STK10: variants seen among roughly 807,000 people sequenced by gnomAD.
STK10 encodes the protein serine/threonine kinase 10, also known as serine/threonine-protein kinase 10.
STK10 carries 78 observed loss-of-function variants against 113.8 expected under a neutral mutation model. The ratio of observed to expected loss-of-function variants is 0.69; its 90% CI spans 0.57 to 0.83. The LOEUF (loss-of-function observed/expected upper bound fraction) is 0.83, where lower values mean the gene tolerates loss of function less well. STK10 is among the 40% of genes least tolerant of loss of function. The pLI is 0.00. For missense variants in STK10, 1,109 were observed against 1,280.1 expected (o/e 0.87, Z 2.04); for synonymous variants, 465 against 494.7 (o/e 0.94, Z 0.80).
intron 2 of STK10, among the ~76,000 whole-genome samples, chr5:172,134,102 T>C (rs183822755): frequency 1.7e-4 from 26 of 152,342 alleles, no homozygotes; most frequent in African/African-American, 6.3e-4. Flanking sequence ...TGGGAATTTA[T>C]AAGAGCAAGA....
At chr5:172,057,543 A>C in intron 14 of STK10, 70 bp from the exon 15 acceptor site, 1 of 1,509,334 alleles carries the variant, frequency 6.6e-7, no homozygotes, top group Non-Finnish European at 8.9e-7. Flanking sequence ...CCTGCCCCCC[A>C]CCTCTGCCTG....
intron 3 of STK10, among the ~76,000 whole-genome samples, chr5:172,121,809 TCCTA>T (rs1002377138): frequency 1.3e-5 from 2 of 152,054 alleles, no homozygotes; most frequent in Non-Finnish European, 2.9e-5. Flanking sequence ...GCAAGCAATC[TCCTA>T]CCTTGGTTTC....
intron 2 of STK10, among the ~76,000 whole-genome samples, chr5:172,151,449 T>C (rs1481039036): frequency 6.6e-6 from 1 of 152,030 alleles, no homozygotes; most frequent in Non-Finnish European, 1.5e-5. Flanking sequence ...CGGGTTCAAG[T>C]AATTCTCCTG....
intron 2 of STK10, among the ~76,000 whole-genome samples, chr5:172,138,650 TAAG>T (rs1769916852): frequency 1.3e-5 from 2 of 152,012 alleles, no homozygotes; most frequent in Admixed American, 6.6e-5. Context: ...CCTAAAAACT[TAAG>T]AAGAAATAAA....
Position 172,061,230 on chromosome 5 carries a change from C to A in STK10, c.2121G>T (p.Glu707Asp). ...CGGTGGTGAGCCTCTTCATGGCCAG[C>A]TCCAGGTCCTCCTTCTGCTTGGCTA... ...DFVAKQKEDL[E>D]LAMKRLTTDN... Residue 707 changes from glutamate (E) to aspartate (D), a missense_variant, in exon 14 of 19, where the codon GAG (glutamate) becomes GAT (aspartate). Physicochemically the swap from Glu to Asp is conservative, Grantham distance 45 (BLOSUM62 2). Around this residue, in one of 5 missense-constraint regions of STK10, gnomAD observed 885 missense variants for 991.1 expected, o/e 0.89. Transcript: ENST00000176763. 4 of 1,613,508 alleles carry A rather than the reference C, an allele frequency of 2.5e-6. No homozygotes were observed. The highest frequency in any genetic ancestry group is 3.4e-6 in the Non-Finnish European group (4 of 1,179,980).
intron 4 of STK10, among the ~76,000 whole-genome samples, chr5:172,115,356 T>C (rs1348657548): frequency 6.6e-6 from 1 of 152,116 alleles, no homozygotes; most frequent in Non-Finnish European, 1.5e-5. Context: ...TGCCGGGAAA[T>C]GTGAAACTAG....
chr5:172,056,946 A>AAGGAAGGAAGGAAGGAAGGAAGGAAG (rs1561789921), intron 15 of STK10: 6 of 89,094 alleles, frequency 6.7e-5, no homozygotes, highest in African/African-American at 3.4e-4. Flanking sequence ...AAAGAAAGAA[A>AAGGAAGGAAGGAAGGAAGGAAGGAAG]GAAAGAAGGA....
intron 1 of STK10, among the ~76,000 whole-genome samples, chr5:172,182,916 TAAG>T (rs1479104313): frequency 6.6e-6 from 1 of 152,094 alleles, no homozygotes; most frequent in East Asian, 1.9e-4. Flanking sequence ...AAGCAATTTT[TAAG>T]AAGGATACCA....
At position 172,054,551 on chromosome 5, in the gene STK10, G is replaced by A; in HGVS notation, c.2652+18C>T. Reference sequence around the variant, plus strand: ...TGAGGCAGCCTGGGGGCAGGGGCAGGGGCAGGCAGGGCGGTACCTGCAGCT... The same window carrying A: ...TGAGGCAGCCTGGGGGCAGGGGCAGAGGCAGGCAGGGCGGTACCTGCAGCT... On this transcript the variant is annotated intron_variant, in intron 17 of 18. Transcript: ENST00000176763. 1.2e-6 allele frequency: 2 copies of A among 1,601,264 alleles called. No homozygotes were observed. The highest frequency in any genetic ancestry group is 1.7e-6 in the Non-Finnish European group (2 of 1,178,726).
chr5:172,137,551 A>T (rs761451417), intron 2 of STK10, among the ~76,000 whole-genome samples: 86 of 152,058 alleles, frequency 5.7e-4, no homozygotes, highest in Non-Finnish European at 2.9e-4. Flanking sequence ...AATAGAAGAA[A>T]ACAACCTCAA....
intron 3 of STK10, among the ~76,000 whole-genome samples, chr5:172,119,853 G>A (rs1037307926): frequency 6.1e-5 from 9 of 146,706 alleles, no homozygotes; most frequent in Admixed American, 1.3e-4. Flanking sequence ...GACAGAGCGA[G>A]ACTCCATCTC....
At chr5:172,104,201 G>A (rs554675603) in intron 7 of STK10, among the ~76,000 whole-genome samples, 3 of 152,336 alleles carry the variant, frequency 2.0e-5, no homozygotes, top group Admixed American at 2.0e-4. Context: ...GACCGGAGCC[G>A]ACACGGCAGT....
At chr5:172,047,778 A>G (rs930452993) in intron 18 of STK10, among the ~76,000 whole-genome samples, 2 of 151,990 alleles carry the variant, frequency 1.3e-5, no homozygotes, top group African/African-American at 2.4e-5. Context: ...CTCTCCTCAG[A>G]GAGTTTAGGG....
chr5:172,118,504 A>C (rs778997929), intron 3 of STK10, among the ~76,000 whole-genome samples: 5 of 152,078 alleles, frequency 3.3e-5, no homozygotes, highest in Non-Finnish European at 7.4e-5. Flanking sequence ...CTATGTCTTA[A>C]AGGAAGAGAA....
intron 1 of STK10, among the ~76,000 whole-genome samples, chr5:172,177,971 G>A (rs1211655707): frequency 6.6e-6 from 1 of 152,198 alleles, no homozygotes; most frequent in Non-Finnish European, 1.5e-5. Flanking sequence ...TGGGACTACA[G>A]GCATGAGCCA....
chr5:172,083,153 T>G, intron 10 of STK10, 69 bp from the exon 11 acceptor site: 1 of 1,602,336 alleles, frequency 6.2e-7, no homozygotes, highest in Non-Finnish European at 8.5e-7. Flanking sequence ...TATTTGCAAC[T>G]TGGAACACTG....
rs773061604 is a variant in STK10, at chr5:172,093,825, G to A, written c.1141C>T (p.Gln381Ter). ...SQDSVNEPCS[Q>*]PSGDRSLQTT... ...TGGAGGGATCTGTCCCCAGAGGGCT[G>A]GCTGCAGGGCTCATTCACACTGTCC... Residue 381 changes from glutamine to a stop codon, truncating the protein, a stop_gained, in exon 9 of 19, where the codon CAG (glutamine) becomes TAG (stop). Transcript: ENST00000176763. LOFTEE classifies it high-confidence loss of function. This position sits in a 1 kb window ranked among gnomAD's most constrained non-coding sequence, Gnocchi z 4.1. 1 of 1,603,878 alleles carries A rather than the reference G, an allele frequency of 6.2e-7. No individual in the cohort carries two copies. The highest frequency in any genetic ancestry group is 1.3e-5 in the African/African-American group (1 of 74,898).
At chr5:172,126,823 C>T (rs530161114) in intron 3 of STK10, among the ~76,000 whole-genome samples, 8 of 152,258 alleles carry the variant, frequency 5.3e-5, no homozygotes, top group African/African-American at 9.6e-5. Context: ...TCGGGTATCT[C>T]GGTTTTACCT....
intron 2 of STK10, among the ~76,000 whole-genome samples, chr5:172,151,822 T>C (rs924234466): frequency 2.6e-5 from 4 of 152,240 alleles, no homozygotes; most frequent in African/African-American, 7.2e-5. Flanking sequence ...CTCAGCAGCA[T>C]GTGCTGCAGA....
Sources: allele counts gnomAD v4.1 joint callset (sites outside exome capture counted in the v4.1 genomes callset), GRCh38; gene constraint gnomAD v4.1.1; regional missense constraint gnomAD v4.1.1; non-coding constraint Gnocchi (gnomAD v3.1); transcripts MANE v1.5; gene names NCBI Gene and HGNC (gene_info 2026-07-23, HGNC 2026-07-21).